XKR6: variants seen among roughly 807,000 people sequenced by gnomAD.
XKR6 encodes the protein XK-related protein 6.
In XKR6, 22 loss-of-function variants were observed where a neutral mutation model predicts 56.7. The observed-to-expected ratio is 0.39, with a 90% CI of 0.28 to 0.55. The LOEUF is 0.55. XKR6 is among the 20% of genes least tolerant of loss of function. The probability of loss-of-function intolerance (pLI) is 0.66; values close to 1 mark genes in which losing one functional copy is unlikely to be tolerated. For missense variants in XKR6, 852 were observed against 889.0 expected (o/e 0.96, Z 0.53); for synonymous variants, 524 against 387.8 (o/e 1.35, Z -4.13).
intron 1 of XKR6, among the ~76,000 whole-genome samples, chr8:10,989,848 T>C (rs1007452996): frequency 7.9e-5 from 12 of 152,236 alleles, no homozygotes; most frequent in Admixed American, 7.8e-4. Flanking sequence ...GTCTCACAGA[T>C]GTCATGTAAA....
At chr8:11,199,329 C>G (rs1804068159) in intron 1 of XKR6, among the ~76,000 whole-genome samples, 1 of 152,134 alleles carries the variant, frequency 6.6e-6, no homozygotes, top group African/African-American at 2.4e-5. Flanking sequence ...TTTTCTGAAA[C>G]GTTTTTATTT....
intron 1 of XKR6, among the ~76,000 whole-genome samples, chr8:10,945,102 C>T (rs2129125087): frequency 6.6e-6 from 1 of 152,260 alleles, no homozygotes; most frequent in Admixed American, 6.5e-5. Flanking sequence ...GGCTCCACCC[C>T]ACGCCACCCA....
At chr8:10,951,097 G>A (rs1801704381) in intron 1 of XKR6, among the ~76,000 whole-genome samples, 1 of 152,182 alleles carries the variant, frequency 6.6e-6, no homozygotes, top group Non-Finnish European at 1.5e-5. Context: ...CGACCCCAGG[G>A]CTGCTGTTCT....
chr8:11,005,907 A>T (rs908789013), intron 1 of XKR6, among the ~76,000 whole-genome samples: 4 of 142,412 alleles, frequency 2.8e-5, no homozygotes, highest in African/African-American at 8.0e-5. Flanking sequence ...ATAGTGGCAC[A>T]TTCTCAGCTC....
chr8:10,909,973 C>T (rs1432282430), intron 2 of XKR6, among the ~76,000 whole-genome samples: 1 of 151,878 alleles, frequency 6.6e-6, no homozygotes, highest in Non-Finnish European at 1.5e-5. Context: ...GAGGCTTTCA[C>T]ATCTCGGGGG....
At chr8:10,922,871 TC>T (rs1800762562) in intron 2 of XKR6, among the ~76,000 whole-genome samples, 1 of 152,204 alleles carries the variant, frequency 6.6e-6, no homozygotes, top group South Asian at 2.1e-4. Context: ...CCTCGAGGCC[TC>T]CTGCTTAGCT....
intron 1 of XKR6, among the ~76,000 whole-genome samples, chr8:10,961,140 C>A (rs533944163): frequency 6.6e-6 from 1 of 152,086 alleles, no homozygotes; most frequent in Admixed American, 6.5e-5. Flanking sequence ...AGGCTGTGAG[C>A]GGATGAATCC....
chr8:11,002,116 A>G (rs1490193304), intron 1 of XKR6, among the ~76,000 whole-genome samples: 1 of 151,280 alleles, frequency 6.6e-6, no homozygotes, highest in African/African-American at 2.4e-5. Context: ...CCCTGCCAAG[A>G]AAGTGCAAAT....
intron 1 of XKR6, among the ~76,000 whole-genome samples, chr8:11,081,517 C>T (rs182381783): frequency 3.3e-5 from 5 of 152,280 alleles, no homozygotes; most frequent in Admixed American, 2.0e-4. Flanking sequence ...TCATTTTAAT[C>T]GAGAAATTAA....
intron 1 of XKR6, among the ~76,000 whole-genome samples, chr8:11,077,058 C>T (rs1472592626): frequency 7.0e-6 from 1 of 142,510 alleles, no homozygotes; most frequent in African/African-American, 2.7e-5. Flanking sequence ...GCCTGTAGTC[C>T]CAAGCTACTC....
chr8:10,997,035 C>T (rs1366665325), intron 1 of XKR6, among the ~76,000 whole-genome samples: 1 of 152,188 alleles, frequency 6.6e-6, no homozygotes. Flanking sequence ...CCCACATCAA[C>T]AAACACACAC....
At chr8:10,999,461 G>C (rs1178713672) in intron 1 of XKR6, among the ~76,000 whole-genome samples, 1 of 152,192 alleles carries the variant, frequency 6.6e-6, no homozygotes, top group African/African-American at 2.4e-5. Context: ...CTGGATAGTG[G>C]ACTTACTAGT....
At chr8:11,020,351 A>C (rs951110279) in intron 1 of XKR6, among the ~76,000 whole-genome samples, 1 of 152,176 alleles carries the variant, frequency 6.6e-6, no homozygotes, top group Non-Finnish European at 1.5e-5. Context: ...GCATCCATCC[A>C]TCCATCCATC....
chr8:11,129,917 A>T (rs1470764088), intron 1 of XKR6, among the ~76,000 whole-genome samples: 1 of 152,096 alleles, frequency 6.6e-6, no homozygotes, highest in Non-Finnish European at 1.5e-5. Context: ...ATAACAGGAG[A>T]TGAGGAAAAA....
At chr8:11,024,900 C>A (rs930680063) in intron 1 of XKR6, among the ~76,000 whole-genome samples, 1 of 152,352 alleles carries the variant, frequency 6.6e-6, no homozygotes, top group Admixed American at 6.5e-5. Context: ...CAAGTTGAGA[C>A]AGCACCTGTG....
intron 1 of XKR6, among the ~76,000 whole-genome samples, chr8:11,051,239 C>T (rs974598006): frequency 6.6e-5 from 10 of 152,036 alleles, no homozygotes; most frequent in African/African-American, 1.7e-4. Flanking sequence ...CACTGGCCCC[C>T]GATCACCCTG....
At chr8:11,055,021 C>T (rs1281861993) in intron 1 of XKR6, among the ~76,000 whole-genome samples, 1 of 152,120 alleles carries the variant, frequency 6.6e-6, no homozygotes, top group East Asian at 1.9e-4. Context: ...AAGCAGATGG[C>T]CACACCCAGA....
At chr8:10,976,221 G>A (rs1168243155) in intron 1 of XKR6, among the ~76,000 whole-genome samples, 1 of 151,964 alleles carries the variant, frequency 6.6e-6, no homozygotes, top group Admixed American at 6.5e-5. Context: ...ACCATGTTGT[G>A]GGAGGGTTTA....
chr8:11,123,957 G>C (rs1799613692), intron 1 of XKR6: 3 of 455,988 alleles, frequency 6.6e-6, no homozygotes, highest in South Asian at 3.1e-5. Flanking sequence ...ATCGGCTCCA[G>C]TGCTACCTGC....
Sources: allele counts gnomAD v4.1 joint callset (sites outside exome capture counted in the v4.1 genomes callset), GRCh38; gene constraint gnomAD v4.1.1; transcripts MANE v1.5; gene names NCBI Gene and HGNC (gene_info 2026-07-23, HGNC 2026-07-21).